Variants in WDPCP observed in about 807,000 individuals in gnomAD.
WDPCP encodes WD repeat containing planar cell polarity effector.
In WDPCP, 71 loss-of-function variants were observed where a neutral mutation model predicts 93.1. That is an observed-to-expected ratio of 0.76 (90% CI 0.63 to 0.93). The LOEUF is 0.93. Among genes scored for constraint, WDPCP ranks in the 40% least tolerant of loss-of-function variants. The pLI, the probability that WDPCP is intolerant of heterozygous loss-of-function variation, is 0.00. For synonymous variants in WDPCP, 315 were observed against 315.0 expected (o/e 1.00, Z 0.00); for missense variants, 844 against 887.4 (o/e 0.95, Z 0.62).
rs146393651 is a variant in WDPCP, at chr2:63,692,657, T to C, written n.309-41819A>G. ...TGACTGTACTAAAATCTCTTTTAGA[T>C]AGGCCTTAAATGATTTTTGAAATTT... On this transcript the variant is annotated intron_variant and non_coding_transcript_variant, in intron 2 of 4. Coordinates refer to the WDPCP transcript ENST00000467687. Among the ~76,000 whole-genome samples, 104 of 152,338 alleles carry C rather than the reference T, an allele frequency of 6.8e-4. No individual in the cohort carries two copies. The East Asian group carries it at 0.015, about 23-fold the overall frequency.
intron 2 of WDPCP, among the ~76,000 whole-genome samples, chr2:63,696,433 C>A (rs1407929976): frequency 6.6e-6 from 1 of 152,266 alleles, no homozygotes; most frequent in South Asian, 2.1e-4. Context: ...GCCCGTTCTA[C>A]AAGAATGCAT....
Position 63,690,431 on chromosome 2 carries a change from T to C in WDPCP, n.309-39593A>G, listed in dbSNP as rs146118980. Among the ~76,000 whole-genome samples, 150 of 152,248 alleles carry C rather than the reference T, an allele frequency of 9.9e-4. 3 individuals are homozygous for C. The East Asian group carries it at 0.018, about 18-fold the overall frequency. On this transcript the variant is annotated intron_variant and non_coding_transcript_variant, in intron 2 of 4. Coordinates refer to the WDPCP transcript ENST00000467687. Reference sequence around the variant, plus strand: ...CAGTAAGTCCCACTTAGGAACATCCTAGCCTTCTGTAGTTCAGCAGTAACA... The same window carrying C: ...CAGTAAGTCCCACTTAGGAACATCCCAGCCTTCTGTAGTTCAGCAGTAACA...
At chr2:63,644,950 C>A (rs1309041021) in intron 3 of WDPCP, among the ~76,000 whole-genome samples, 3 of 151,934 alleles carry the variant, frequency 2.0e-5, no homozygotes, top group African/African-American at 7.3e-5. Flanking sequence ...TTCAAGAAAC[C>A]AACTTTTCCT....
At chr2:63,139,128 T>TGTATGTGTATATAC (rs1670866258) in intron 17 of WDPCP, among the ~76,000 whole-genome samples, 1 of 151,284 alleles carries the variant, frequency 6.6e-6, no homozygotes, top group African/African-American at 2.4e-5. Flanking sequence ...TATACACATA[T>TGTATGTGTATATAC]ATACATGTAT....
chr2:63,761,062 G>A (rs991508329), intron 2 of WDPCP, among the ~76,000 whole-genome samples: 73 of 152,258 alleles, frequency 4.8e-4, no homozygotes, highest in African/African-American at 1.6e-3. Flanking sequence ...TGGCTTGAAC[G>A]TGTCCCCCTC....
intron 2 of WDPCP, among the ~76,000 whole-genome samples, chr2:63,806,547 C>A (rs1020523621): frequency 1.3e-5 from 2 of 152,126 alleles, no homozygotes; most frequent in Non-Finnish European, 2.9e-5. Context: ...TGAGATCAAC[C>A]GGTCTGACCA....
the WDPCP span, among the ~76,000 whole-genome samples, chr2:63,835,515 A>G: frequency 6.6e-6 from 1 of 151,950 alleles, no homozygotes; most frequent in Admixed American, 6.6e-5. Context: ...GGAGAGGGGT[A>G]GCAAATCAAC....
At chr2:63,592,470 C>A (rs1274686452), upstream of WDPCP, among the ~76,000 whole-genome samples, 1 of 152,190 alleles carries the variant, frequency 6.6e-6, no homozygotes, top group Non-Finnish European at 1.5e-5. Context: ...CCTACCTCAG[C>A]CTCCTGAGTG....
At chr2:63,525,433 A>G (rs1011115622) in intron 1 of WDPCP, among the ~76,000 whole-genome samples, 2 of 152,142 alleles carry the variant, frequency 1.3e-5, no homozygotes, top group Non-Finnish European at 2.9e-5. Context: ...AAGAATAAAA[A>G]GTCTCTTTCT....
chr2:63,352,897 A>G (rs1433361521), intron 12 of WDPCP, among the ~76,000 whole-genome samples: 1 of 152,190 alleles, frequency 6.6e-6, no homozygotes, highest in African/African-American at 2.4e-5. Context: ...ATTGGTGTGT[A>G]ATAATGGTTA....
intron 17 of WDPCP, among the ~76,000 whole-genome samples, chr2:63,150,014 A>G (rs1671783199): frequency 6.6e-6 from 1 of 151,942 alleles, no homozygotes; most frequent in African/African-American, 2.4e-5. Flanking sequence ...AAAAAAAAAG[A>G]TTTTATTTAT....
At chr2:63,390,731 C>T (rs1298229342) in intron 10 of WDPCP, among the ~76,000 whole-genome samples, 1 of 151,556 alleles carries the variant, frequency 6.6e-6, no homozygotes, top group Non-Finnish European at 1.5e-5. Context: ...ACCTATCCTA[C>T]AGAAATACCA....
intron 6 of WDPCP, among the ~76,000 whole-genome samples, chr2:63,466,314 C>A (rs1190897691): frequency 6.6e-6 from 1 of 151,788 alleles, no homozygotes; most frequent in Non-Finnish European, 1.5e-5. Context: ...GAAAAAAACA[C>A]TTTATTAAAA....
chr2:63,677,096 G>T (rs1710411831), intron 2 of WDPCP, among the ~76,000 whole-genome samples: 1 of 152,148 alleles, frequency 6.6e-6, no homozygotes, highest in Non-Finnish European at 1.5e-5. Context: ...TAGAGTCCAG[G>T]CACATGCATA....
At chr2:63,757,414 CTG>C (rs960136645) in intron 2 of WDPCP, among the ~76,000 whole-genome samples, 7 of 152,078 alleles carry the variant, frequency 4.6e-5, no homozygotes, top group East Asian at 3.9e-4. Context: ...GGCAGAAAAT[CTG>C]TCTTTTTTTT....
intron 2 of WDPCP, among the ~76,000 whole-genome samples, chr2:63,742,605 T>G (rs1050634421): frequency 1.1e-4 from 17 of 150,898 alleles, no homozygotes; most frequent in Admixed American, 1.0e-3. Flanking sequence ...CTACAAGGGT[T>G]CTTTTTTCTT....
At chr2:63,752,020 C>T in intron 2 of WDPCP, 1 of 627,782 alleles carries the variant, frequency 1.6e-6, no homozygotes, top group Non-Finnish European at 3.0e-6. Context: ...ACCTCCACAA[C>T]CAACACCAAA....
Position 63,429,976 on chromosome 2 carries a change from T to TACACAC in WDPCP, c.825+3763_825+3768dup, listed in dbSNP as rs199517613. Among the ~76,000 whole-genome samples, 1,238 of 137,434 alleles carry TACACAC rather than the reference T, an allele frequency of 9.0e-3. 14 individuals are homozygous for TACACAC. The highest frequency in any genetic ancestry group is 0.01 in the Admixed American group (140 of 13,758). 90.2% of individuals were successfully genotyped at this position (137,434 alleles called of 152,430 possible). On this transcript the variant is annotated intron_variant, in intron 9 of 17. Coordinates refer to ENST00000272321, the MANE Select transcript of WDPCP (RefSeq NM_015910.7). ...GGTGGACTGGATAAAGAAAATGTTA[T>TACACAC]ACACACACACACACACACACACACA...
chr2:63,578,455 C>G (rs1429871517), intron 1 of WDPCP, among the ~76,000 whole-genome samples: 2 of 152,102 alleles, frequency 1.3e-5, no homozygotes, highest in African/African-American at 2.4e-5. Context: ...TTCCACCAAC[C>G]CTACCACAAG....
Sources: allele counts gnomAD v4.1 joint callset (sites outside exome capture counted in the v4.1 genomes callset), GRCh38; gene constraint gnomAD v4.1.1; transcripts MANE v1.5; gene names NCBI Gene and HGNC (gene_info 2026-07-23, HGNC 2026-07-21).